SHANK2: variants seen among roughly 807,000 people sequenced by gnomAD.
The protein encoded by SHANK2 is SH3 and multiple ankyrin repeat domains 2, also known as SH3 and multiple ankyrin repeat domains protein 2.
SHANK2 carries 43 observed loss-of-function variants against 133.7 expected under a neutral mutation model. The ratio of observed to expected loss-of-function variants is 0.32; its 90% CI spans 0.25 to 0.41. The LOEUF is 0.41. Among genes scored for constraint, SHANK2 ranks in the 10% least tolerant of loss-of-function variants. SHANK2 has a pLI of 1.00. For missense variants in SHANK2, 1,994 were observed against 2,235.8 expected (o/e 0.89, Z 2.18); for synonymous variants, 1,017 against 952.8 (o/e 1.07, Z -1.24).
chr11:70,700,274 C>G (rs569694014), intron 14 of SHANK2, among the ~76,000 whole-genome samples: 40 of 152,256 alleles, frequency 2.6e-4, no homozygotes, highest in Admixed American at 2.5e-3. Context: ...TACTCTGTAC[C>G]AGGCCCTGCT....
chr11:70,955,466 T>C (rs1950907589), intron 10 of SHANK2, among the ~76,000 whole-genome samples: 1 of 148,196 alleles, frequency 6.7e-6, no homozygotes. Context: ...TGTGTGAATG[T>C]ACACACACTT....
At chr11:71,058,144 C>T (rs1950944305) in intron 9 of SHANK2, among the ~76,000 whole-genome samples, 1 of 152,156 alleles carries the variant, frequency 6.6e-6, no homozygotes, top group Admixed American at 6.5e-5. Flanking sequence ...ATCTGCCTGC[C>T]TCAGCCTCCC....
chr11:70,943,889 A>C (rs1157933552), intron 10 of SHANK2: 2 of 456,186 alleles, frequency 4.4e-6, no homozygotes, highest in Non-Finnish European at 8.8e-6. Context: ...GCCTATTTGT[A>C]AATAGCAAAC....
At chr11:70,766,719 C>T (rs1003632899) in intron 14 of SHANK2, among the ~76,000 whole-genome samples, 3 of 152,260 alleles carry the variant, frequency 2.0e-5, no homozygotes, top group East Asian at 1.9e-4. Flanking sequence ...GATTGCTCCT[C>T]GCTTGTTAAA....
At chr11:70,814,673 G>C (rs1293717832) in intron 12 of SHANK2, among the ~76,000 whole-genome samples, 1 of 152,248 alleles carries the variant, frequency 6.6e-6, no homozygotes, top group African/African-American at 2.4e-5. Flanking sequence ...GCCCCTGCCT[G>C]TGTGGCCAGG....
intron 2 of SHANK2, among the ~76,000 whole-genome samples, chr11:71,161,061 A>C (rs1953004454): frequency 6.6e-6 from 1 of 152,244 alleles, no homozygotes; most frequent in African/African-American, 2.4e-5. Context: ...TCTTTGCCAA[A>C]GGCATTCCAA....
In SHANK2 at chr11:70,765,146, T is replaced by C. The variant is rs542847639; in HGVS notation, c.1777+33297A>G. On this transcript the variant is annotated intron_variant, in intron 14 of 25. Coordinates refer to ENST00000601538, the MANE Select transcript of SHANK2 (RefSeq NM_012309.5). ...TTGGGCCTGCCTTCCATCCATTTCC[T>C]GTTTCCTGGGGAAACATTATAGCCC... Among the ~76,000 whole-genome samples, 7 of 152,344 alleles carry C rather than the reference T, an allele frequency of 4.6e-5. No homozygotes were observed. In the South Asian group the frequency reaches 1.2e-3, roughly 27 times the overall value.
chr11:71,210,643 G>A (rs1285519675), intron 2 of SHANK2, among the ~76,000 whole-genome samples: 2 of 151,976 alleles, frequency 1.3e-5, no homozygotes, highest in Non-Finnish European at 2.9e-5. Flanking sequence ...CAAGTGTCAG[G>A]AAATCCACTG....
rs200014498 is a variant in SHANK2 at position 70,899,405 on chromosome 11, CTG to C, written c.1108-2840_1108-2839del. Among the ~76,000 whole-genome samples the C allele has an allele frequency of 5.7e-3, 865 of 152,316 alleles. 7 individuals carry two copies. Among genetic ancestry groups the C allele is most frequent in the African/African-American group, 0.02 (819 of 41,564 alleles). ...CTGAGGGCTCCCCAGCCATGCGGAA[CTG>C]TGTATCGATTAAACCTCTTTTCTTT... On this transcript the variant is annotated intron_variant, in intron 10 of 25. Coordinates refer to ENST00000601538, the MANE Select transcript of SHANK2 (RefSeq NM_012309.5).
chr11:70,599,867 G>GAAAGAAAGAAAGAAAGAA lies in SHANK2; in HGVS notation c.2061+59943_2061+59960dup, dbSNP rs1554990490. On this transcript the variant is annotated intron_variant, in intron 17 of 25. Coordinates refer to ENST00000601538, the MANE Select transcript of SHANK2 (RefSeq NM_012309.5). Reference sequence around the variant, plus strand: ...AGAGAACGAAAGAAAGAAATAAAAAGAAAGAAAGAAAGAAAGAAAGAAAAA... The same window carrying GAAAGAAAGAAAGAAAGAA: ...AGAGAACGAAAGAAAGAAATAAAAAGAAAGAAAGAAAGAAAGAAAAAGAAAGAAAGAAAGAAAGAAAAA... 6.7e-3 allele frequency among the ~76,000 whole-genome samples: 437 copies of GAAAGAAAGAAAGAAAGAA among 65,222 alleles called. 11 individuals carry two copies. The highest frequency in any genetic ancestry group is 0.021 in the African/African-American group (422 of 20,156). 42.8% of individuals were successfully genotyped at this position (65,222 alleles called of 152,430 possible).
rs568653937 is a variant in SHANK2 at position 70,909,364 on chromosome 11, AGAG to A, written c.1108-12800_1108-12798del. Among the ~76,000 whole-genome samples the A allele has an allele frequency of 2.4e-3, 360 of 152,314 alleles. 2 individuals are homozygous for A. Among genetic ancestry groups the A allele is most frequent in the Middle Eastern group, 0.017 (5 of 294 alleles). ...ATGAGGGAGGCTGAGTCTAGTGAGA[AGAG>A]GAGATTTCTGGGGATTACAGATGTT... On this transcript the variant is annotated intron_variant, in intron 10 of 25. Transcript: ENST00000601538.
chr11:70,734,999 C>A (rs994475723), intron 14 of SHANK2, among the ~76,000 whole-genome samples: 2 of 152,196 alleles, frequency 1.3e-5, no homozygotes, highest in African/African-American at 4.8e-5. Flanking sequence ...GCCTCGGCGG[C>A]TGTAGCACAT....
chr11:70,586,040 G>A (rs1486953483), intron 17 of SHANK2, among the ~76,000 whole-genome samples: 2 of 152,178 alleles, frequency 1.3e-5, no homozygotes, highest in Non-Finnish European at 2.9e-5. Flanking sequence ...ACCTTGTGGA[G>A]TTTGCAACCT....
rs115975871 is a variant in SHANK2 at position 71,118,802 on chromosome 11, G to A, written c.411+27C>T. 9.3e-5 allele frequency: 141 copies of A among 1,522,198 alleles called. 1 individual carries two copies. In the African/African-American group the frequency reaches 1.9e-3, roughly 20 times the overall value. The allele number at this position is 1,522,198 out of a possible 1,614,324, so 94.3% of individuals were successfully genotyped here. A position where few individuals can be genotyped will look rare whatever the true frequency, so the allele number is the denominator to read the frequency against. ...GCATCCAGGCTGTGACACAACCACA[G>A]TCCATGCACTGTGGGCTGAAATATA... On this transcript the variant is annotated intron_variant, in intron 4 of 25. Transcript: ENST00000601538.
intron 1 of SHANK2, among the ~76,000 whole-genome samples, chr11:71,235,439 C>T (rs1555123579): frequency 2.0e-5 from 3 of 151,890 alleles, no homozygotes; most frequent in Non-Finnish European, 4.4e-5. Context: ...ACTAAAAATA[C>T]AAAAATTAGC....
chr11:70,473,275 G>A lies in SHANK2; in HGVS notation c.5144C>T (p.Thr1715Ile), dbSNP rs1396325259. 5 of 1,613,352 alleles carry A rather than the reference G, an allele frequency of 3.1e-6. No individual in the cohort carries two copies. Among genetic ancestry groups the A allele is most frequent in the Non-Finnish European group, 4.2e-6 (5 of 1,179,468 alleles). ...GGGCAGGGTCTCTTTGTTCATCTCT[G>A]TTGGCGAGACCACAGGGCTTGGGGC... is the stretch of plus-strand genomic sequence containing the variant. Reference protein sequence around the residue: ...RRAPSPVVSPTEMNKETLPAP... With the variant: ...RRAPSPVVSPIEMNKETLPAP... Residue 1715 changes from threonine to isoleucine, a missense_variant, in exon 26 of 26, where the codon ACA (threonine) becomes ATA (isoleucine). Physicochemically the swap from Thr to Ile is moderately conservative, Grantham distance 89. Coordinates refer to ENST00000601538, the MANE Select transcript of SHANK2 (RefSeq NM_012309.5). This position sits in a 1 kb window ranked among gnomAD's most constrained non-coding sequence, Gnocchi z 5.9.
chr11:71,075,699 C>G (rs907007439), intron 8 of SHANK2, among the ~76,000 whole-genome samples: 2 of 152,170 alleles, frequency 1.3e-5, no homozygotes, highest in African/African-American at 4.8e-5. Flanking sequence ...AAGGGGGCAG[C>G]ACAAAATGGC....
chr11:70,855,491 C>T (rs1214263913), intron 11 of SHANK2, among the ~76,000 whole-genome samples: 3 of 152,246 alleles, frequency 2.0e-5, no homozygotes, highest in Non-Finnish European at 4.4e-5. Context: ...GCTTCCCCTT[C>T]CTGATTCTTG....
At chr11:71,062,832 C>T (rs1331336559) in intron 9 of SHANK2, among the ~76,000 whole-genome samples, 2 of 151,300 alleles carry the variant, frequency 1.3e-5, no homozygotes, top group East Asian at 1.9e-4. Flanking sequence ...CCCGTCTCTA[C>T]AAAAAATGAA....
Sources: allele counts gnomAD v4.1 joint callset (sites outside exome capture counted in the v4.1 genomes callset), GRCh38; gene constraint gnomAD v4.1.1; non-coding constraint Gnocchi (gnomAD v3.1); transcripts MANE v1.5; gene names NCBI Gene and HGNC (gene_info 2026-07-23, HGNC 2026-07-21).